ACTR3C: variants seen among roughly 807,000 people sequenced by gnomAD.
ACTR3C encodes actin-related protein 3C.
A neutral mutation model predicts 26.3 loss-of-function variants in ACTR3C; 18 were observed. That is an observed-to-expected ratio of 0.68 (90% CI 0.47 to 1.01). ACTR3C has a LOEUF of 1.01. Among genes scored for constraint, ACTR3C ranks in the 50% least tolerant of loss-of-function variants. The probability of loss-of-function intolerance (pLI) is 0.00; values close to 1 mark genes in which losing one functional copy is unlikely to be tolerated. For missense variants in ACTR3C, 184 were observed against 250.7 expected (o/e 0.73, Z 1.80); for synonymous variants, 55 against 94.5 (o/e 0.58, Z 2.42).
At chr7:150,141,617 G>C in the ACTR3C span, among the ~76,000 whole-genome samples, 2 of 151,992 alleles carry the variant, frequency 1.3e-5, no homozygotes, top group African/African-American at 4.8e-5. Context: ...GAGGAGGCCA[G>C]GTTCTTGGCC....
chr7:149,918,904 T>A, the ACTR3C span, among the ~76,000 whole-genome samples: 5 of 151,884 alleles, frequency 3.3e-5, no homozygotes, highest in South Asian at 2.1e-4. Context: ...TTGGTGCCCA[T>A]GTACCTGTGG....
intron 4 of ACTR3C, among the ~76,000 whole-genome samples, chr7:150,288,934 C>A (rs1257295285): frequency 6.6e-6 from 1 of 151,640 alleles, no homozygotes; most frequent in Non-Finnish European, 1.5e-5. Context: ...GGGAGGAAGG[C>A]AGTGAGGAGA....
chr7:149,899,602 T>TGAAAAAA, the ACTR3C span, among the ~76,000 whole-genome samples: 11 of 118,636 alleles, frequency 9.3e-5, no homozygotes, highest in African/African-American at 3.3e-4. Flanking sequence ...CTGGAAGAAG[T>TGAAAAAA]AAAAAAAAAA....
chr7:150,305,462 C>G (rs1266545443), intron 1 of ACTR3C, among the ~76,000 whole-genome samples: 1 of 152,108 alleles, frequency 6.6e-6, no homozygotes, highest in Non-Finnish European at 1.5e-5. Flanking sequence ...ACTGTCTACA[C>G]TGTGCAAAGG....
chr7:150,116,203 T>C, the ACTR3C span, among the ~76,000 whole-genome samples: 1 of 152,238 alleles, frequency 6.6e-6, no homozygotes. Context: ...GCTATGCGAA[T>C]GCAAAACTCA....
the ACTR3C span, among the ~76,000 whole-genome samples, chr7:149,946,046 G>T: frequency 2.0e-5 from 3 of 152,184 alleles, no homozygotes; most frequent in Non-Finnish European, 4.4e-5. Context: ...TCATGGGGGG[G>T]AAAGCACTTT....
intron 1 of ACTR3C, among the ~76,000 whole-genome samples, chr7:150,316,959 G>A (rs1796990453): frequency 6.6e-6 from 1 of 151,958 alleles, no homozygotes; most frequent in African/African-American, 2.4e-5. Context: ...ATGCTTAAAA[G>A]TTTTGGTTTT....
the ACTR3C span, among the ~76,000 whole-genome samples, chr7:149,946,792 A>G: frequency 6.6e-6 from 1 of 152,240 alleles, no homozygotes; most frequent in Non-Finnish European, 1.5e-5. Context: ...GTGACATCAT[A>G]ATAAGGCATC....
the ACTR3C span, among the ~76,000 whole-genome samples, chr7:150,087,421 C>T: frequency 2.6e-5 from 4 of 152,102 alleles, no homozygotes; most frequent in Non-Finnish European, 4.4e-5. Context: ...TAAACAATTA[C>T]ACAACTAGGG....
chr7:149,942,780 C>T, the ACTR3C span, among the ~76,000 whole-genome samples: 1 of 149,640 alleles, frequency 6.7e-6, no homozygotes, highest in Non-Finnish European at 1.5e-5. Context: ...TAGTTACCAC[C>T]CTTCTCTTGG....
At chr7:150,118,221 C>T in the ACTR3C span, among the ~76,000 whole-genome samples, 1,531 of 151,958 alleles carry the variant, frequency 0.01, 23 homozygotes, top group Non-Finnish European at 0.015. Flanking sequence ...GGAACAAAAC[C>T]GGATGGAGAA....
the ACTR3C span, among the ~76,000 whole-genome samples, chr7:149,910,446 G>A: frequency 1.7e-4 from 26 of 152,038 alleles, no homozygotes; most frequent in Admixed American, 1.1e-3. Context: ...GCATTTGCTA[G>A]TCTCCTAAAT....
the ACTR3C span, among the ~76,000 whole-genome samples, chr7:150,232,830 AT>A: frequency 2.8e-4 from 43 of 151,466 alleles, no homozygotes; most frequent in African/African-American, 1.0e-3. Flanking sequence ...CTCAAAAAAA[AT>A]ATAAAAATAA....
the ACTR3C span, among the ~76,000 whole-genome samples, chr7:150,070,676 C>T: frequency 6.6e-6 from 1 of 151,920 alleles, no homozygotes; most frequent in Non-Finnish European, 1.5e-5. Context: ...GTCTCAAATA[C>T]CTGGCCTCAA....
the ACTR3C span, among the ~76,000 whole-genome samples, chr7:149,934,105 C>T: frequency 2.6e-5 from 4 of 151,878 alleles, no homozygotes; most frequent in African/African-American, 4.8e-5. Context: ...TAGCAAGTTC[C>T]ACTCAATGCT....
the ACTR3C span, among the ~76,000 whole-genome samples, chr7:150,085,216 C>A: frequency 6.6e-6 from 1 of 152,080 alleles, no homozygotes; most frequent in Non-Finnish European, 1.5e-5. Flanking sequence ...AGTTCACTTA[C>A]GAAGATAAGG....
chr7:149,980,590 C>A, the ACTR3C span, among the ~76,000 whole-genome samples: 1 of 152,286 alleles, frequency 6.6e-6, no homozygotes, highest in East Asian at 1.9e-4. Flanking sequence ...CAGTAAATGT[C>A]CATTCATTCA....
the ACTR3C span, among the ~76,000 whole-genome samples, chr7:150,198,725 C>T: frequency 2.7e-4 from 36 of 133,182 alleles, no homozygotes; most frequent in African/African-American, 6.6e-4. Context: ...CGTCTCCGCC[C>T]GGCAGCCACC....
intron 1 of ACTR3C, among the ~76,000 whole-genome samples, chr7:150,316,603 A>G (rs1796936515): frequency 6.7e-6 from 1 of 150,192 alleles, no homozygotes; most frequent in African/African-American, 2.5e-5. Context: ...CTCCTGCCTC[A>G]GCCTCCTGAG....
Sources: gnomAD v4.1 joint callset for allele counts (sites outside exome capture counted in the v4.1 genomes callset) on GRCh38, gnomAD v4.1.1 for gene constraint, MANE v1.5 for transcripts, NCBI Gene and HGNC (gene_info 2026-07-23, HGNC 2026-07-21) for gene names.